OCA2: variants seen among roughly 807,000 people sequenced by gnomAD.
OCA2 encodes P protein.
Under a neutral mutation model 100.2 loss-of-function variants are expected in OCA2, and 77 were observed. The observed-to-expected ratio is 0.77, with a 90% CI of 0.64 to 0.93. OCA2 has a LOEUF of 0.93. OCA2 is among the 40% of genes least tolerant of loss of function. The pLI is 0.00. For missense variants in OCA2, 1,062 were observed against 1,089.1 expected (o/e 0.98, Z 0.35); for synonymous variants, 432 against 439.2 (o/e 0.98, Z 0.21).
chr15:27,778,389 A>T (rs1231983215), intron 23 of OCA2, among the ~76,000 whole-genome samples: 2 of 152,240 alleles, frequency 1.3e-5, no homozygotes, highest in African/African-American at 4.8e-5. Flanking sequence ...AAGAGAGGAA[A>T]GTCTCATCAG....
chr15:27,976,926 T>C (rs1386442583), intron 14 of OCA2, among the ~76,000 whole-genome samples: 2 of 99,284 alleles, frequency 2.0e-5, no homozygotes, highest in Non-Finnish European at 6.1e-5. Context: ...TTTAACTACA[T>C]ATTTGATTCT....
chr15:28,043,130 G>A lies in OCA2; in HGVS notation c.228-10967C>T, dbSNP rs1386803102. 6.6e-6 allele frequency among the ~76,000 whole-genome samples: 1 copy of A among 152,164 alleles called. No homozygotes were observed. The highest frequency in any genetic ancestry group is 1.5e-5 in the Non-Finnish European group (1 of 68,022). ...ATCATATGCCCCAAAGCCTGGGGAG[G>A]TATTCACTGAGAAATATTTACAGGA... On this transcript the variant is annotated intron_variant, in intron 2 of 23. Transcript: ENST00000354638. This position sits in a 1 kb window ranked among gnomAD's most constrained non-coding sequence, Gnocchi z 4.4.
intron 23 of OCA2, among the ~76,000 whole-genome samples, chr15:27,771,433 G>GCC (rs60157415): frequency 0.26 from 38,820 of 151,102 alleles, 5,719 homozygotes; most frequent in African/African-American, 0.37. Context: ...TCAATGGGCC[G>GCC]CCCCTCCGTG....
intron 22 of OCA2, 55 bp from the exon 23 acceptor site, chr15:27,845,107 T>C (rs977509080): frequency 2.3e-6 from 3 of 1,299,860 alleles, no homozygotes; most frequent in Admixed American, 1.7e-5. Flanking sequence ...TAAGCTTCTG[T>C]TCTCTTTGGT....
chr15:27,932,975 TA>T (rs2039309144), intron 18 of OCA2, among the ~76,000 whole-genome samples: 1 of 123,780 alleles, frequency 8.1e-6, no homozygotes, highest in Non-Finnish European at 1.7e-5. Context: ...TCACAAGGCA[TA>T]GAAAAAAAAA....
Position 28,007,782 on chromosome 15 carries a change from A to G in OCA2, c.1044+6994T>C, listed in dbSNP as rs190961297. 1.6e-3 allele frequency among the ~76,000 whole-genome samples: 238 copies of G among 152,322 alleles called. 1 individual carries two copies. The highest frequency in any genetic ancestry group is 9.9e-3 in the South Asian group (48 of 4,828). On this transcript the variant is annotated intron_variant, in intron 9 of 23. Transcript: ENST00000354638. Reference sequence around the variant, plus strand: ...ATACAACCCCAAATCCTCAGGCAAGAAAGTGCCAATCAGGATGATTATCTG... The same window carrying G: ...ATACAACCCCAAATCCTCAGGCAAGGAAGTGCCAATCAGGATGATTATCTG...
chr15:27,780,633 G>A (rs1256855377), intron 23 of OCA2, among the ~76,000 whole-genome samples: 1 of 152,172 alleles, frequency 6.6e-6, no homozygotes, highest in Non-Finnish European at 1.5e-5. Flanking sequence ...TTAATTACAG[G>A]CTCCTTAGAG....
the OCA2 span, among the ~76,000 whole-genome samples, chr15:27,727,603 CA>C: frequency 6.6e-6 from 1 of 152,190 alleles, no homozygotes; most frequent in South Asian, 2.1e-4. Context: ...TACATCTTCC[CA>C]AAAATACTCA....
At chr15:28,070,917 T>C (rs1312243958) in intron 2 of OCA2, among the ~76,000 whole-genome samples, 1 of 146,352 alleles carries the variant, frequency 6.8e-6, no homozygotes, top group Non-Finnish European at 1.5e-5. Context: ...GTTAAATGGA[T>C]TAAGGGCGGT....
At chr15:27,790,370 T>A (rs1001834666) in intron 23 of OCA2, among the ~76,000 whole-genome samples, 2 of 152,206 alleles carry the variant, frequency 1.3e-5, no homozygotes, top group African/African-American at 4.8e-5. Context: ...CACAGCCCCA[T>A]TGCTAGGTGA....
At chr15:27,842,441 AG>A (rs1269595805) in intron 23 of OCA2, among the ~76,000 whole-genome samples, 1 of 152,248 alleles carries the variant, frequency 6.6e-6, no homozygotes, top group African/African-American at 2.4e-5. Context: ...TATCACAGGA[AG>A]CCCCCTTTTG....
chr15:28,027,256 C>T (rs377501782), intron 4 of OCA2, among the ~76,000 whole-genome samples: 5 of 152,298 alleles, frequency 3.3e-5, no homozygotes, highest in Middle Eastern at 3.4e-3. Flanking sequence ...CGCCCGCCGT[C>T]CCCCTACGCA....
At chr15:27,960,896 G>T (rs1392886300) in intron 15 of OCA2, among the ~76,000 whole-genome samples, 1 of 142,696 alleles carries the variant, frequency 7.0e-6, no homozygotes, top group African/African-American at 2.7e-5. Context: ...ACAGAGCAAG[G>T]CTCCATCTCA....
intron 17 of OCA2, among the ~76,000 whole-genome samples, chr15:27,954,281 C>T (rs2040143457): frequency 6.6e-6 from 1 of 152,178 alleles, no homozygotes; most frequent in African/African-American, 2.4e-5. Context: ...AGTTCTCCAA[C>T]TCATGACTAA....
At chr15:27,841,592 T>A (rs969168176) in intron 23 of OCA2, among the ~76,000 whole-genome samples, 8 of 152,242 alleles carry the variant, frequency 5.3e-5, no homozygotes, top group Admixed American at 1.3e-4. Context: ...ATTTTGACTA[T>A]AGAATATCTA....
chr15:27,913,842 A>AG (rs1567097633), intron 19 of OCA2, among the ~76,000 whole-genome samples: 19 of 31,656 alleles, frequency 6.0e-4, no homozygotes, highest in South Asian at 1.9e-3. Context: ...AAGAAAGGAA[A>AG]GAAAGAAAGA....
At chr15:27,987,376 T>C (rs1004866438) in intron 11 of OCA2, among the ~76,000 whole-genome samples, 1 of 152,124 alleles carries the variant, frequency 6.6e-6, no homozygotes, top group African/African-American at 2.4e-5. Context: ...TGTGTTGAAC[T>C]TGGAATGAGA....
At chr15:27,720,367 AAT>A in the OCA2 span, among the ~76,000 whole-genome samples, 1 of 150,198 alleles carries the variant, frequency 6.7e-6, no homozygotes. Flanking sequence ...GCGTCACAGA[AAT>A]ATATATATAA....
At chr15:27,868,877 A>G (rs2036431866) in intron 21 of OCA2, among the ~76,000 whole-genome samples, 1 of 152,226 alleles carries the variant, frequency 6.6e-6, no homozygotes, top group Non-Finnish European at 1.5e-5. Flanking sequence ...CAATGACTTC[A>G]ATACAGCTTT....
Sources: allele counts gnomAD v4.1 joint callset (sites outside exome capture counted in the v4.1 genomes callset), GRCh38; gene constraint gnomAD v4.1.1; non-coding constraint Gnocchi (gnomAD v3.1); transcripts MANE v1.5; gene names NCBI Gene and HGNC (gene_info 2026-07-23, HGNC 2026-07-21).